ZFHX3: variants seen among roughly 807,000 people sequenced by gnomAD.
The protein encoded by ZFHX3 is zinc finger homeobox protein 3.
Under a neutral mutation model 279.1 loss-of-function variants are expected in ZFHX3, and 42 were observed. The ratio of observed to expected loss-of-function variants is 0.15; its 90% CI spans 0.12 to 0.19. ZFHX3 has a LOEUF of 0.19. Ranked by LOEUF, ZFHX3 falls within the 10% of genes least tolerant of loss-of-function variation. The pLI is 1.00. For synonymous variants in ZFHX3, 2,293 were observed against 1,957.8 expected (o/e 1.17, Z -4.52); for missense variants, 4,981 against 4,754.0 (o/e 1.05, Z -1.40).
intron 1 of ZFHX3, among the ~76,000 whole-genome samples, chr16:73,008,864 C>A (rs1963808288): frequency 6.6e-6 from 1 of 151,958 alleles, no homozygotes; most frequent in South Asian, 2.1e-4. Flanking sequence ...ATTCTGCAAT[C>A]TCCAAGTTCA....
intron 1 of ZFHX3, among the ~76,000 whole-genome samples, chr16:73,738,647 C>T (rs576520581): frequency 5.9e-5 from 9 of 152,116 alleles, no homozygotes; most frequent in Non-Finnish European, 1.0e-4. Flanking sequence ...GAAAAGGGGA[C>T]GTTTCATGGT....
chr16:73,271,336 T>C (rs571060548), intron 4 of ZFHX3, among the ~76,000 whole-genome samples: 1 of 152,328 alleles, frequency 6.6e-6, no homozygotes, highest in Admixed American at 6.5e-5. Flanking sequence ...GTGTGTCCCA[T>C]AGGCCATCTC....
intron 2 of ZFHX3, among the ~76,000 whole-genome samples, chr16:73,637,422 G>A (rs552043896): frequency 9.3e-5 from 14 of 151,306 alleles, no homozygotes; most frequent in East Asian, 7.8e-4. Flanking sequence ...TACTAGAGAC[G>A]GGGTTTCACT....
chr16:73,599,491 G>A (rs2052088656), intron 2 of ZFHX3, among the ~76,000 whole-genome samples: 1 of 152,198 alleles, frequency 6.6e-6, no homozygotes, highest in African/African-American at 2.4e-5. Context: ...GCCCTTCTGG[G>A]CACAGGGCTC....
chr16:72,967,883 G>A (rs372717876), intron 1 of ZFHX3, among the ~76,000 whole-genome samples: 1 of 149,494 alleles, frequency 6.7e-6, no homozygotes, highest in African/African-American at 2.5e-5. Flanking sequence ...AGCCGAGATC[G>A]TGCCACTGCA....
intron 4 of ZFHX3, among the ~76,000 whole-genome samples, chr16:72,861,841 C>G (rs1033655672): frequency 4.6e-5 from 7 of 152,096 alleles, no homozygotes; most frequent in Admixed American, 1.3e-4. Flanking sequence ...AAGGTGAAAT[C>G]CCACCTCTAC....
intron 3 of ZFHX3, among the ~76,000 whole-genome samples, chr16:73,365,942 G>C (rs553478368): frequency 6.6e-6 from 1 of 152,326 alleles, no homozygotes; most frequent in South Asian, 2.1e-4. Flanking sequence ...GGTGAAAAGG[G>C]AAGAGTCCAG....
intron 2 of ZFHX3, among the ~76,000 whole-genome samples, chr16:73,540,774 C>T (rs1302309211): frequency 6.6e-6 from 1 of 152,170 alleles, no homozygotes; most frequent in Non-Finnish European, 1.5e-5. Flanking sequence ...CTGTGAACAC[C>T]ATATTTGCCA....
At chr16:73,022,042 A>AC (rs1304165647) in intron 1 of ZFHX3, among the ~76,000 whole-genome samples, 1 of 151,836 alleles carries the variant, frequency 6.6e-6, no homozygotes, top group Non-Finnish European at 1.5e-5. Flanking sequence ...ACTACTGCTC[A>AC]CCCCCTGCCC....
At chr16:73,809,201 C>T (rs890541552) in intron 1 of ZFHX3, 8 of 152,130 alleles carry the variant, frequency 5.3e-5, no homozygotes, top group African/African-American at 1.9e-4. Flanking sequence ...ATTAAAAGCC[C>T]GCTTTAAGAC....
At chr16:73,734,193 A>T (rs1174760129) in intron 1 of ZFHX3, among the ~76,000 whole-genome samples, 1 of 152,124 alleles carries the variant, frequency 6.6e-6, no homozygotes, top group Non-Finnish European at 1.5e-5. Flanking sequence ...CCACCCTCCC[A>T]CTTCCTGCTG....
chr16:72,961,231 A>G (rs1366350949), intron 1 of ZFHX3, among the ~76,000 whole-genome samples: 1 of 152,098 alleles, frequency 6.6e-6, no homozygotes, highest in African/African-American at 2.4e-5. Context: ...GGCGAGCCCC[A>G]GCTCCACACC....
At chr16:73,159,982 C>T (rs35373476) in intron 5 of ZFHX3, among the ~76,000 whole-genome samples, 2 of 152,098 alleles carry the variant, frequency 1.3e-5, no homozygotes, top group Non-Finnish European at 2.9e-5. Flanking sequence ...AGGTGGGTCT[C>T]GAACTCCTGA....
At chr16:73,266,680 G>C (rs2013985433) in intron 4 of ZFHX3, among the ~76,000 whole-genome samples, 1 of 152,166 alleles carries the variant, frequency 6.6e-6, no homozygotes, top group Non-Finnish European at 1.5e-5. Context: ...GGAGGGAACT[G>C]GTGGGAGGTA....
intron 2 of ZFHX3, among the ~76,000 whole-genome samples, chr16:73,561,084 A>G (rs1227554849): frequency 1.3e-5 from 2 of 152,238 alleles, no homozygotes; most frequent in Non-Finnish European, 2.9e-5. Context: ...CTTCTACTGA[A>G]AAGAAATTAT....
chr16:73,877,567 A>G (rs2029992884), intron 1 of ZFHX3, among the ~76,000 whole-genome samples: 1 of 152,220 alleles, frequency 6.6e-6, no homozygotes, highest in South Asian at 2.1e-4. Context: ...TTTTTGAGCT[A>G]ACAGCCAAAG....
At chr16:73,217,074 C>T (rs2012237684) in intron 5 of ZFHX3, among the ~76,000 whole-genome samples, 1 of 152,154 alleles carries the variant, frequency 6.6e-6, no homozygotes, top group African/African-American at 2.4e-5. Context: ...TTTGATTTTC[C>T]CAGTTGATTT....
intron 1 of ZFHX3, among the ~76,000 whole-genome samples, chr16:73,733,054 A>C (rs145454856): frequency 3.2e-4 from 49 of 152,254 alleles, no homozygotes; most frequent in African/African-American, 1.0e-3. Flanking sequence ...ACTGTGTAAT[A>C]AATTATTTAG....
intron 3 of ZFHX3, among the ~76,000 whole-genome samples, chr16:73,428,133 CCA>C (rs1203949817): frequency 2.0e-5 from 3 of 152,112 alleles, no homozygotes; most frequent in Non-Finnish European, 4.4e-5. Context: ...AATGGGAAGG[CCA>C]CAGTGAGCTG....
Sources: allele counts gnomAD v4.1 joint callset (sites outside exome capture counted in the v4.1 genomes callset), GRCh38; gene constraint gnomAD v4.1.1; transcripts MANE v1.5; gene names NCBI Gene and HGNC (gene_info 2026-07-23, HGNC 2026-07-21).